LPP: variants seen among roughly 807,000 people sequenced by gnomAD.
LPP encodes the protein LIM domain containing preferred translocation partner in lipoma, also known as lipoma-preferred partner.
LPP carries 38 observed loss-of-function variants against 60.4 expected under a neutral mutation model. That is an observed-to-expected ratio of 0.63 (90% confidence interval 0.49 to 0.83). LPP has a LOEUF of 0.83. Among genes scored for constraint, LPP ranks in the 40% least tolerant of loss-of-function variants. The pLI, the probability that LPP is intolerant of heterozygous loss-of-function variation, is 0.00. For missense variants in LPP, 902 were observed against 783.6 expected, an observed-to-expected ratio of 1.15 and a Z score of -1.80; for synonymous variants, 328 against 290.8, an observed-to-expected ratio of 1.13 and a Z score of -1.30.
intron 6 of LPP, among the ~76,000 whole-genome samples, chr3:188,589,490 C>G (rs1313337290): frequency 6.6e-6 from 1 of 152,134 alleles, no homozygotes; most frequent in East Asian, 1.9e-4. Context: ...AGACATGAAG[C>G]TCTCAATGCC....
chr3:188,620,368 A>G (rs184587621), intron 7 of LPP, among the ~76,000 whole-genome samples: 19 of 152,258 alleles, frequency 1.2e-4, no homozygotes, highest in African/African-American at 3.6e-4. Context: ...CATGAATTTA[A>G]TATCTGTATC....
chr3:188,518,062 G>A (rs188779707), intron 5 of LPP, among the ~76,000 whole-genome samples: 1 of 152,222 alleles, frequency 6.6e-6, no homozygotes, highest in African/African-American at 2.4e-5. Context: ...CTCACCAGAA[G>A]CAGAAGGCAG....
intron 9 of LPP, among the ~76,000 whole-genome samples, chr3:188,781,165 CAAAT>C (rs1480350142): frequency 6.6e-6 from 1 of 152,138 alleles, no homozygotes; most frequent in Non-Finnish European, 1.5e-5. Flanking sequence ...TTGTGAATGT[CAAAT>C]AAAATTATAT....
intron 2 of LPP, among the ~76,000 whole-genome samples, chr3:188,226,523 T>C (rs573955510): frequency 2.9e-4 from 44 of 152,256 alleles, no homozygotes; most frequent in African/African-American, 1.1e-3. Flanking sequence ...GAGTAGAACA[T>C]TATGTTCTAA....
intron 10 of LPP, among the ~76,000 whole-genome samples, chr3:188,870,250 A>G (rs754838984): frequency 1.8e-4 from 27 of 152,168 alleles, no homozygotes; most frequent in Non-Finnish European, 3.1e-4. Context: ...ATTAATAGAA[A>G]TACTGCAGAA....
intron 1 of LPP, among the ~76,000 whole-genome samples, chr3:188,221,383 T>C (rs529891849): frequency 1.8e-4 from 28 of 152,288 alleles, no homozygotes; most frequent in African/African-American, 4.3e-4. Flanking sequence ...GTGTCCCCCA[T>C]TGAGGCTCTT....
At position 188,167,501 on chromosome 3, in the gene LPP, CACAAA is replaced by C. The variant is rs59953137; in HGVS notation, c.-190+13285_-190+13289del. Among the ~76,000 whole-genome samples the C allele has an allele frequency of 1.1e-3, 156 of 143,598 alleles. 1 individual carries two copies. The highest frequency in any genetic ancestry group is 2.5e-3 in the African/African-American group (96 of 37,946). 94.2% of individuals were successfully genotyped at this position (143,598 alleles called of 152,430 possible). On this transcript the variant is annotated intron_variant, in intron 1 of 11. Coordinates refer to ENST00000617246, the MANE Select transcript of LPP (RefSeq NM_001375462.1). The stretch of plus-strand genomic sequence containing the variant: ...GGGCAACGGAGCAAGACTCCACCAC[CACAAA>C]ACAAAACAAAACAAAACAAAACAAA...
intron 5 of LPP, among the ~76,000 whole-genome samples, chr3:188,506,366 G>C (rs1813458225): frequency 1.3e-5 from 2 of 152,308 alleles, no homozygotes; most frequent in Admixed American, 1.3e-4. Flanking sequence ...GCTACTATGA[G>C]TCAGTTAATA....
chr3:188,463,168 A>C (rs1254133277), intron 4 of LPP, among the ~76,000 whole-genome samples: 1 of 152,054 alleles, frequency 6.6e-6, no homozygotes, highest in Non-Finnish European at 1.5e-5. Flanking sequence ...CTTTTACTGC[A>C]TATGTATGAA....
chr3:188,472,834 TA>T (rs554028669), intron 4 of LPP: 17 of 152,318 alleles, frequency 1.1e-4, no homozygotes, highest in African/African-American at 3.6e-4. Context: ...GTCTCCTAAA[TA>T]GTAAGAACCT....
intron 4 of LPP, among the ~76,000 whole-genome samples, chr3:188,482,409 T>C (rs1251585991): frequency 1.3e-5 from 2 of 152,216 alleles, no homozygotes; most frequent in East Asian, 3.8e-4. Context: ...TTTTCATACA[T>C]ATGACCTTTA....
intron 3 of LPP, among the ~76,000 whole-genome samples, chr3:188,401,331 G>A (rs1177445133): frequency 6.6e-6 from 1 of 151,884 alleles, no homozygotes; most frequent in East Asian, 1.9e-4. Flanking sequence ...CCTCATTTTG[G>A]TGCCGCTGGT....
chr3:188,412,024 T>C (rs753555014), intron 4 of LPP, among the ~76,000 whole-genome samples: 14 of 151,796 alleles, frequency 9.2e-5, no homozygotes, highest in Non-Finnish European at 1.9e-4. Flanking sequence ...AATTTGATAA[T>C]ACTTTTTATC....
chr3:188,636,423 T>C (rs1286512616), intron 7 of LPP, among the ~76,000 whole-genome samples: 1 of 152,208 alleles, frequency 6.6e-6, no homozygotes, highest in East Asian at 1.9e-4. Context: ...GGAGTCTCGC[T>C]GATTCCTAGC....
intron 9 of LPP, among the ~76,000 whole-genome samples, chr3:188,837,640 T>C (rs1179140963): frequency 6.6e-6 from 1 of 152,160 alleles, no homozygotes; most frequent in Non-Finnish European, 1.5e-5. Flanking sequence ...ATTTCAAGTC[T>C]GATGGTCAGT....
intron 8 of LPP, among the ~76,000 whole-genome samples, chr3:188,731,525 T>C (rs1720552108): frequency 6.6e-6 from 1 of 151,682 alleles, no homozygotes; most frequent in Admixed American, 6.6e-5. Context: ...TTTTTTGTTT[T>C]GTTTTGTTTT....
At chr3:188,645,951 A>G (rs2148888890) in intron 7 of LPP, among the ~76,000 whole-genome samples, 1 of 152,306 alleles carries the variant, frequency 6.6e-6, no homozygotes, top group African/African-American at 2.4e-5. Flanking sequence ...TATTTTCTTT[A>G]TATTTTAAAG....
intron 9 of LPP, among the ~76,000 whole-genome samples, chr3:188,800,550 T>A (rs1577642180): frequency 6.6e-6 from 1 of 152,190 alleles, no homozygotes; most frequent in African/African-American, 2.4e-5. Flanking sequence ...CGGCCAAAAC[T>A]TTCTGCAGGA....
intron 2 of LPP, among the ~76,000 whole-genome samples, chr3:188,331,313 A>C (rs1469813795): frequency 6.6e-6 from 1 of 152,082 alleles, no homozygotes; most frequent in African/African-American, 2.4e-5. Context: ...CCATCTTTTA[A>C]TGCAGACTCC....
Sources: allele counts gnomAD v4.1 joint callset (sites outside exome capture counted in the v4.1 genomes callset), GRCh38; gene constraint gnomAD v4.1.1; transcripts MANE v1.5; gene names NCBI Gene and HGNC (gene_info 2026-07-23, HGNC 2026-07-21).